The following NPC1 variants were observed in gnomAD, a reference collection of about 807,000 sequenced individuals.
The protein encoded by NPC1 is NPC intracellular cholesterol transporter 1.
In NPC1, 85 loss-of-function variants were observed where a neutral mutation model predicts 140.4. That is an observed-to-expected ratio of 0.61 (90% CI 0.51 to 0.72). The LOEUF (loss-of-function observed/expected upper bound fraction) is 0.72, where lower values mean the gene tolerates loss of function less well. Among genes scored for constraint, NPC1 ranks in the 30% least tolerant of loss-of-function variants. The pLI, the probability that NPC1 is intolerant of heterozygous loss-of-function variation, is 0.00. For missense variants in NPC1, 1,504 were observed against 1,623.8 expected (o/e 0.93, Z 1.27); for synonymous variants, 656 against 624.8 (o/e 1.05, Z -0.74).
intron 9 of NPC1, among the ~76,000 whole-genome samples, chr18:23,554,546 C>T (rs1395567029): frequency 6.6e-6 from 1 of 150,748 alleles, no homozygotes; most frequent in Non-Finnish European, 1.5e-5. Context: ...CCGGAGGTTA[C>T]AGTGAGCCAA....
intron 4 of NPC1, among the ~76,000 whole-genome samples, chr18:23,566,498 A>G (rs1474096402): frequency 1.3e-5 from 2 of 152,138 alleles, no homozygotes; most frequent in African/African-American, 4.8e-5. Context: ...CAGTCCCAAC[A>G]CTTTGGCAGG....
chr18:23,544,209 A>T (rs1598953976), intron 13 of NPC1, 135 bp downstream of exon 13: 1 of 839,902 alleles, frequency 1.2e-6, no homozygotes. Context: ...GCAAGTCAAG[A>T]CGACCGATGA....
intron 3 of NPC1, chr18:23,506,779 C>G: frequency 2.1e-6 from 1 of 483,236 alleles, no homozygotes; most frequent in East Asian, 4.0e-5. Context: ...CTGTAAGTTT[C>G]CCAGCAAGTT....
At chr18:23,524,239 C>T (rs1567928730) in intron 1 of NPC1, 1 of 1,585,114 alleles carries the variant, frequency 6.3e-7, no homozygotes, top group Non-Finnish European at 8.6e-7. Flanking sequence ...GAGAGTGGTC[C>T]TGAAGTCCTC....
At chr18:23,539,735 AT>A in intron 18 of NPC1, 75 bp downstream of exon 18, 1 of 1,479,228 alleles carries the variant, frequency 6.8e-7, no homozygotes, top group Non-Finnish European at 9.4e-7. Context: ...TCAGTGAGAC[AT>A]TTCAGGCCTG....
At chr18:23,564,294 T>C (rs1377570795) in intron 4 of NPC1, among the ~76,000 whole-genome samples, 1 of 152,176 alleles carries the variant, frequency 6.6e-6, no homozygotes, top group African/African-American at 2.4e-5. Context: ...AAGAGTTCTT[T>C]ATGTATTCTA....
At chr18:23,533,700 G>GGT in intron 23 of NPC1, 183 bp from the exon 24 acceptor site, 1 of 613,800 alleles carries the variant, frequency 1.6e-6, no homozygotes, top group South Asian at 1.8e-5. Context: ...GTAGAGATGG[G>GGT]GTTTCACCAT....
At position 23,533,348 on chromosome 18, in the gene NPC1, C is replaced by T. The variant is rs778389667; in HGVS notation, c.3754+7G>A. The T allele has an allele frequency of 1.2e-6, 2 of 1,613,002 alleles. No individual in the cohort carries two copies. Among genetic ancestry groups the T allele is most frequent in the Non-Finnish European group, 1.7e-6 (2 of 1,178,946 alleles). ...TTGTGCCACCCTTTTAAGATGAGAA[C>T]TCTTACCTATGTAACTGAGTAAGAC... On this transcript the variant is annotated splice_region_variant and intron_variant, in intron 24 of 24. Coordinates refer to ENST00000269228, the MANE Select transcript of NPC1 (RefSeq NM_000271.5).
chr18:23,509,028 A>G (rs1041968038), intron 3 of NPC1, among the ~76,000 whole-genome samples: 1 of 152,176 alleles, frequency 6.6e-6, no homozygotes, highest in African/African-American at 2.4e-5. Context: ...ATGGGCAAAA[A>G]TCAGGGAACA....
At chr18:23,529,316 G>GC, downstream of NPC1, 1 of 1,601,832 alleles carries the variant, frequency 6.2e-7, no homozygotes, top group Non-Finnish European at 8.5e-7. Flanking sequence ...GCAGCTTTCC[G>GC]CCTCTTCTGG....
At chr18:23,573,182 C>T (rs575356130) in intron 2 of NPC1, among the ~76,000 whole-genome samples, 16 of 152,326 alleles carry the variant, frequency 1.1e-4, no homozygotes, top group Non-Finnish European at 1.6e-4. Context: ...GGGCAACATA[C>T]GAAGTACCAA....
chr18:23,520,103 G>A (rs2058103837), downstream of NPC1: 23 of 875,438 alleles, frequency 2.6e-5, no homozygotes, highest in South Asian at 3.5e-4. Flanking sequence ...TGCAAACACA[G>A]GCTTTTAAAC....
rs80358257 is a variant in NPC1, at chr18:23,538,564, G to C, written c.3019C>G (p.Pro1007Ala). Residue 1007 changes from proline (P) to alanine (A), a missense_variant, in exon 20 of 25, where the codon CCT (proline) becomes GCT (alanine). Coordinates refer to ENST00000269228, the MANE Select transcript of NPC1 (RefSeq NM_000271.5). ...TACCCTTTGCCACACTTGGGGTTAGGGTTATCCGAAAGGAACATGGGCAGG... is the reference window on the plus strand; with the variant it reads ...TACCCTTTGCCACACTTGGGGTTAGCGTTATCCGAAAGGAACATGGGCAGG... The part of the protein sequence containing the change: ...RFLPMFLSDN[P>A]NPKCGKGGHA... 276 of 1,614,108 alleles carry C rather than the reference G, an allele frequency of 1.7e-4. No individual in the cohort carries two copies. The highest frequency in any genetic ancestry group is 2.2e-4 in the Non-Finnish European group (258 of 1,180,008).
At position 23,531,966 on chromosome 18, in the gene NPC1, T is replaced by A. The variant is rs2145322529; in HGVS notation, c.*236A>T. On this transcript the variant is annotated 3_prime_UTR_variant, in exon 25 of 25. Coordinates refer to ENST00000269228, the MANE Select transcript of NPC1 (RefSeq NM_000271.5). ...TGCTTGCCAAAGAATGAGGTTTCTTTCCTGAAGAGGCTGGGAGAAGTTTAG... is the reference window on the plus strand; with the variant it reads ...TGCTTGCCAAAGAATGAGGTTTCTTACCTGAAGAGGCTGGGAGAAGTTTAG... 1 of 1,449,628 alleles carries A rather than the reference T, an allele frequency of 6.9e-7. No homozygotes were observed. Among genetic ancestry groups the A allele is most frequent in the Non-Finnish European group, 9.0e-7 (1 of 1,108,858 alleles). The allele number at this position is 1,449,628 out of a possible 1,614,324, so 89.8% of individuals were successfully genotyped here.
chr18:23,517,773 A>G (rs934188807), downstream of NPC1, among the ~76,000 whole-genome samples: 7 of 151,854 alleles, frequency 4.6e-5, no homozygotes, highest in Non-Finnish European at 8.8e-5. Context: ...GCTGGAGTGC[A>G]GTGTTACAAT....
At chr18:23,564,365 CAG>C (rs1464025694) in intron 4 of NPC1, among the ~76,000 whole-genome samples, 2 of 151,798 alleles carry the variant, frequency 1.3e-5, no homozygotes, top group African/African-American at 2.4e-5. Flanking sequence ...TTTTTTGAGA[CAG>C]AGTCTCACTC....
At chr18:23,535,446 A>G (rs370968750) in intron 22 of NPC1, 23 bp downstream of exon 22, 4 of 1,541,134 alleles carry the variant, frequency 2.6e-6, no homozygotes, top group Non-Finnish European at 3.6e-6. Context: ...CTAGGGACAA[A>G]CTGAGACTGT....
rs746389947 is a variant in NPC1, at chr18:23,568,851, T to C, written c.435A>G (p.Gln145=). The C allele has an allele frequency of 3.7e-6, 6 of 1,614,114 alleles. No individual in the cohort carries two copies. In the Admixed American group the frequency reaches 5.0e-5, roughly 13 times the overall value. Residue 145 remains glutamine (Q), a synonymous_variant, in exon 4 of 25, where the codon CAA becomes CAG. Transcript: ENST00000269228. ...TGGCAAAACTCTGTCCGACGTAGTA[T>C]TGTAACTCTTTCACATTTGTTTTCG... ...NQTKTNVKEL[Q]YYVGQSFANA...
chr18:23,586,495 C>G lies in NPC1; in HGVS notation c.-152G>C, dbSNP rs1363284870. The G allele has an allele frequency of 5.6e-6, 8 of 1,421,292 alleles. No homozygotes were observed. The highest frequency in any genetic ancestry group is 6.4e-6 in the Non-Finnish European group (7 of 1,095,524). 88.0% of individuals were successfully genotyped at this position (1,421,292 alleles called of 1,614,324 possible). A position where few individuals can be genotyped will look rare whatever the true frequency, so the allele number is the denominator to read the frequency against. Reference sequence around the variant, plus strand: ...TGACCGCGGCAGCAGGCTGCGCGCGCCGGTCAGGAAGGAAGAAGGCGTCGT... The same window carrying G: ...TGACCGCGGCAGCAGGCTGCGCGCGGCGGTCAGGAAGGAAGAAGGCGTCGT... On this transcript the variant is annotated 5_prime_UTR_variant, in exon 1 of 25. Transcript: ENST00000269228.
Sources: allele counts gnomAD v4.1 joint callset (sites outside exome capture counted in the v4.1 genomes callset), GRCh38; gene constraint gnomAD v4.1.1; transcripts MANE v1.5; gene names NCBI Gene and HGNC (gene_info 2026-07-23, HGNC 2026-07-21).